ACVR1C: variants seen among roughly 807,000 people sequenced by gnomAD.
ACVR1C encodes activin A receptor type 1C, also known as activin receptor type-1C.
Under a neutral mutation model 57.9 loss-of-function variants are expected in ACVR1C, and 23 were observed. The ratio of observed to expected loss-of-function variants is 0.40; its 90% CI spans 0.29 to 0.56. The LOEUF (loss-of-function observed/expected upper bound fraction) is 0.56, where lower values mean the gene tolerates loss of function less well. Among genes scored for constraint, ACVR1C ranks in the 20% least tolerant of loss-of-function variants. ACVR1C has a pLI of 0.50. For synonymous variants in ACVR1C, 214 were observed against 215.3 expected (o/e 0.99, Z 0.05); for missense variants, 480 against 607.9 (o/e 0.79, Z 2.21).
chr2:157,628,494 C>T, intron 1 of ACVR1C, 78 bp downstream of exon 1: 1 of 1,493,676 alleles, frequency 6.7e-7, no homozygotes, highest in East Asian at 2.4e-5. Context: ...ACCCCCTGTC[C>T]CCCACCCCCG....
chr2:157,565,709 C>T (rs907660597), intron 2 of ACVR1C, among the ~76,000 whole-genome samples: 5 of 152,082 alleles, frequency 3.3e-5, no homozygotes, highest in East Asian at 1.9e-4. Context: ...AGTCTATAAA[C>T]GGCTATTTGC....
chr2:157,577,854 T>G (rs1034126471), intron 2 of ACVR1C, among the ~76,000 whole-genome samples: 4 of 152,046 alleles, frequency 2.6e-5, no homozygotes, highest in African/African-American at 9.7e-5. Flanking sequence ...GTTTTTCTGT[T>G]TGTTTTGTTT....
rs886410242 is a variant in ACVR1C at position 157,533,670 on chromosome 2, T to C, written c.*248A>G. On this transcript the variant is annotated 3_prime_UTR_variant, in exon 9 of 9. Transcript: ENST00000243349. Reference sequence around the variant, plus strand: ...ACTTTTGTAATATATTTCTTCCTTATTAAATAAAAAGATGAGTTGAGGTGT... The same window carrying C: ...ACTTTTGTAATATATTTCTTCCTTACTAAATAAAAAGATGAGTTGAGGTGT... 8.4e-6 allele frequency: 2 copies of C among 237,662 alleles called. No individual in the cohort carries two copies. Among genetic ancestry groups the C allele is most frequent in the African/African-American group, 4.5e-5 (2 of 44,466 alleles). 14.7% of individuals were successfully genotyped at this position (237,662 alleles called of 1,614,324 possible). A position where few individuals can be genotyped will look rare whatever the true frequency, so the allele number is the denominator to read the frequency against.
intron 1 of ACVR1C, among the ~76,000 whole-genome samples, chr2:157,602,570 C>T (rs544432806): frequency 6.6e-6 from 1 of 152,146 alleles, no homozygotes; most frequent in Admixed American, 6.5e-5. Flanking sequence ...ATGAAATAAA[C>T]ACAAAAGTTT....
chr2:157,628,727 C>G lies in ACVR1C; in HGVS notation c.-83G>C. The G allele has an allele frequency of 3.2e-6, 4 of 1,269,782 alleles. No individual in the cohort carries two copies. Among genetic ancestry groups the G allele is most frequent in the Non-Finnish European group, 4.2e-6 (4 of 959,470 alleles). 78.7% of individuals were successfully genotyped at this position (1,269,782 alleles called of 1,614,324 possible). On this transcript the variant is annotated 5_prime_UTR_variant, in exon 1 of 9. Coordinates refer to ENST00000243349, the MANE Select transcript of ACVR1C (RefSeq NM_145259.3). ...GGCAGCACGGCCCGCTTTGAAGTTC[C>G]CGGGCCGCGGGAGGGGAGCGCGGCA...
At chr2:157,608,849 ATTT>A in intron 1 of ACVR1C, among the ~76,000 whole-genome samples, 1 of 151,346 alleles carries the variant, frequency 6.6e-6, no homozygotes, top group East Asian at 1.9e-4. Context: ...GATTTTGTTT[ATTT>A]GTGTCTTCTC....
chr2:157,533,758 T>G lies in ACVR1C; in HGVS notation c.*160A>C, dbSNP rs146400658. 1 of 566,148 alleles carries G rather than the reference T, an allele frequency of 1.8e-6. No homozygotes were observed. Among genetic ancestry groups the G allele is most frequent in the East Asian group, 3.6e-5 (1 of 27,444 alleles). The allele number at this position is 566,148 out of a possible 1,614,324, so 35.1% of individuals were successfully genotyped here. Reference sequence around the variant, plus strand: ...GATGAAGTCAACTCCTGCCCATGCTTAACTTTAGAGTTATCTTTTCATGCT... The same window carrying G: ...GATGAAGTCAACTCCTGCCCATGCTGAACTTTAGAGTTATCTTTTCATGCT... On this transcript the variant is annotated 3_prime_UTR_variant, in exon 9 of 9. Coordinates refer to ENST00000243349, the MANE Select transcript of ACVR1C (RefSeq NM_145259.3).
chr2:157,541,013 G>C, intron 7 of ACVR1C, 77 bp downstream of exon 7: 2 of 1,499,596 alleles, frequency 1.3e-6, no homozygotes, highest in African/African-American at 1.4e-5. Context: ...GTGCTTAGGG[G>C]AAAAAGATAG....
intron 4 of ACVR1C, among the ~76,000 whole-genome samples, chr2:157,546,296 T>C (rs1425445866): frequency 6.6e-6 from 1 of 152,198 alleles, no homozygotes; most frequent in African/African-American, 2.4e-5. Context: ...AGTATATGTA[T>C]TTACAAATTT....
At chr2:157,599,251 G>C (rs1203783972) in intron 1 of ACVR1C, among the ~76,000 whole-genome samples, 1 of 144,686 alleles carries the variant, frequency 6.9e-6, no homozygotes, top group East Asian at 2.1e-4. Context: ...GGAGAATGGC[G>C]TGAACCCGAG....
intron 1 of ACVR1C, among the ~76,000 whole-genome samples, chr2:157,601,265 T>A (rs180970404): frequency 7.2e-5 from 11 of 151,850 alleles, no homozygotes; most frequent in Non-Finnish European, 1.6e-4. Context: ...TGCAGTGAGC[T>A]GAGATTGCAC....
chr2:157,587,581 A>G (rs970002235), intron 1 of ACVR1C, among the ~76,000 whole-genome samples, 164 bp from the exon 2 acceptor site: 64 of 152,098 alleles, frequency 4.2e-4, no homozygotes, highest in African/African-American at 1.5e-3. Context: ...TCCATCATAT[A>G]TTTCACTAAA....
intron 1 of ACVR1C, among the ~76,000 whole-genome samples, chr2:157,626,229 A>G (rs575079887): frequency 3.0e-4 from 45 of 152,338 alleles, no homozygotes; most frequent in Middle Eastern, 6.8e-3. Context: ...TCGGCCTCCC[A>G]AAGTACTGGG....
intron 2 of ACVR1C, among the ~76,000 whole-genome samples, chr2:157,576,181 G>A (rs1688646333): frequency 6.9e-6 from 1 of 145,600 alleles, no homozygotes; most frequent in South Asian, 2.2e-4. Flanking sequence ...AACCATTATT[G>A]TGGCTTGAGG....
intron 7 of ACVR1C, among the ~76,000 whole-genome samples, chr2:157,540,880 T>C (rs765136281): frequency 2.0e-5 from 3 of 152,304 alleles, no homozygotes; most frequent in Non-Finnish European, 4.4e-5. Flanking sequence ...AGGGGAACTG[T>C]CACCCCACTA....
At chr2:157,595,066 T>C (rs1573943781) in intron 1 of ACVR1C, among the ~76,000 whole-genome samples, 1 of 152,242 alleles carries the variant, frequency 6.6e-6, no homozygotes, top group East Asian at 1.9e-4. Flanking sequence ...TTTCCAGAAA[T>C]ACCATGAATA....
chr2:157,540,714 CAAGAA>C lies in ACVR1C; in HGVS notation c.1225+371_1225+375del, dbSNP rs1687607116. 2.0e-5 allele frequency among the ~76,000 whole-genome samples: 3 copies of C among 152,168 alleles called. No individual in the cohort carries two copies. In the South Asian group the frequency reaches 6.2e-4, roughly 31 times the overall value. The stretch of plus-strand genomic sequence containing the variant: ...TATCATATCACAGGGAAGAAAAAAA[CAAGAA>C]AAGCTTAAGAAACTGAACCCTTCAA... On this transcript the variant is annotated intron_variant, in intron 7 of 8. Coordinates refer to ENST00000243349, the MANE Select transcript of ACVR1C (RefSeq NM_145259.3).
chr2:157,587,738 A>C (rs1285361383), intron 1 of ACVR1C, among the ~76,000 whole-genome samples: 1 of 152,008 alleles, frequency 6.6e-6, no homozygotes, highest in Non-Finnish European at 1.5e-5. Context: ...AGCTCCTAGG[A>C]AATGCTAGGA....
At chr2:157,618,195 A>G (rs1157603630) in intron 1 of ACVR1C, among the ~76,000 whole-genome samples, 1 of 151,906 alleles carries the variant, frequency 6.6e-6, no homozygotes, top group Admixed American at 6.6e-5. Flanking sequence ...AGTAAAACAT[A>G]TGAGATTAAT....
Sources: gnomAD v4.1 joint callset for allele counts (sites outside exome capture counted in the v4.1 genomes callset) on GRCh38, gnomAD v4.1.1 for gene constraint, MANE v1.5 for transcripts, NCBI Gene and HGNC (gene_info 2026-07-23, HGNC 2026-07-21) for gene names.